UNC79: variants seen among roughly 807,000 people sequenced by gnomAD.
The protein encoded by UNC79 is protein unc-79 homolog.
In UNC79, 37 loss-of-function variants were observed where a neutral mutation model predicts 283.1. The observed-to-expected ratio is 0.13, with a 90% CI of 0.10 to 0.17. The LOEUF is 0.17. Among genes scored for constraint, UNC79 ranks in the 10% least tolerant of loss-of-function variants. The pLI is 1.00. For missense variants in UNC79, 2,272 were observed against 3,211.1 expected (o/e 0.71, Z 7.07); for synonymous variants, 1,107 against 1,200.2 (o/e 0.92, Z 1.61).
chr14:93,518,353 C>A (rs2060167918), intron 7 of UNC79, among the ~76,000 whole-genome samples: 1 of 151,758 alleles, frequency 6.6e-6, no homozygotes, highest in African/African-American at 2.4e-5. Context: ...AGCATCTCAT[C>A]CAAGTTTTCA....
chr14:93,349,592 A>G (rs2053942277), intron 1 of UNC79, among the ~76,000 whole-genome samples: 1 of 152,042 alleles, frequency 6.6e-6, no homozygotes, highest in African/African-American at 2.4e-5. Context: ...TCTCTCCTCT[A>G]CATTCTGTTT....
At chr14:93,356,881 G>C (rs2054096162) in intron 1 of UNC79, among the ~76,000 whole-genome samples, 1 of 152,096 alleles carries the variant, frequency 6.6e-6, no homozygotes, top group African/African-American at 2.4e-5. Context: ...TTTAGGTTTG[G>C]GGGTACATGT....
chr14:93,614,402 C>T (rs369763435), intron 27 of UNC79, among the ~76,000 whole-genome samples: 1 of 151,848 alleles, frequency 6.6e-6, no homozygotes, highest in South Asian at 2.1e-4. Context: ...CTGCAAGCTC[C>T]GCCTCCTGGG....
intron 32 of UNC79, 100 bp downstream of exon 35, chr14:93,637,399 C>G (rs2068599966): frequency 5.9e-6 from 9 of 1,533,872 alleles, no homozygotes; most frequent in Non-Finnish European, 7.9e-6. Context: ...CTTAGCACCT[C>G]CATGGAGTGG....
intron 43 of UNC79, among the ~76,000 whole-genome samples, chr14:93,687,986 A>G (rs967232154): frequency 1.3e-5 from 2 of 152,168 alleles, no homozygotes; most frequent in Non-Finnish European, 2.9e-5. Context: ...ACTAGCTAGG[A>G]CAGACCTGGG....
chr14:93,662,803 CAGTTGCTTCCATAT>C (rs1268581813), intron 40 of UNC79, 89 bp downstream of exon 43: 4 of 933,240 alleles, frequency 4.3e-6, no homozygotes, highest in Non-Finnish European at 6.4e-6. Flanking sequence ...CCTTTTAGCT[CAGTTGCTTCCATAT>C]AGTTAAAAAT....
chr14:93,333,932 C>G (rs1053111995), intron 1 of UNC79, among the ~76,000 whole-genome samples: 10 of 152,210 alleles, frequency 6.6e-5, no homozygotes, highest in Admixed American at 6.5e-4. Flanking sequence ...CATTCTGAAC[C>G]CAGTGAGGAG....
intron 23 of UNC79, among the ~76,000 whole-genome samples, chr14:93,595,410 T>C (rs1334203372): frequency 6.6e-6 from 1 of 152,088 alleles, no homozygotes; most frequent in Non-Finnish European, 1.5e-5. Context: ...TACTTTTCTA[T>C]TCAAGAAATT....
intron 40 of UNC79, among the ~76,000 whole-genome samples, chr14:93,664,065 A>T (rs532917751): frequency 6.6e-6 from 1 of 152,106 alleles, no homozygotes; most frequent in South Asian, 2.1e-4. Flanking sequence ...ATTATCATCT[A>T]CCCTTTCTCA....
chr14:93,704,763 A>T (rs1441189925), intron 48 of UNC79, 97 bp downstream of exon 51: 3 of 1,461,880 alleles, frequency 2.1e-6, no homozygotes, highest in African/African-American at 1.4e-5. Flanking sequence ...ATGGAGAAGG[A>T]TGAATTCAAC....
chr14:93,613,068 T>C, exon 27 of UNC79: 1 of 1,614,220 alleles, frequency 6.2e-7, no homozygotes, highest in Middle Eastern at 1.6e-4. Flanking sequence ...ATGCATTCAT[T>C]GCAGGAATTG....
chr14:93,366,712 A>G (rs2054342066), intron 1 of UNC79, among the ~76,000 whole-genome samples: 1 of 151,892 alleles, frequency 6.6e-6, no homozygotes, highest in South Asian at 2.1e-4. Context: ...AGCTGGGATC[A>G]TAGGCGCGCA....
chr14:93,509,143 A>T (rs544987073), intron 7 of UNC79, among the ~76,000 whole-genome samples: 1 of 152,128 alleles, frequency 6.6e-6, no homozygotes, highest in Admixed American at 6.5e-5. Flanking sequence ...CTTTTAAACA[A>T]CCAATTCTCT....
At chr14:93,529,443 A>G (rs2060701762) in intron 10 of UNC79, 117 bp downstream of exon 10, 2 of 1,077,470 alleles carry the variant, frequency 1.9e-6, no homozygotes, top group Non-Finnish European at 2.7e-6. Context: ...ATTGTATTGT[A>G]TGAATATTCA....
chr14:93,535,564 G>A (rs2061029662), intron 11 of UNC79, among the ~76,000 whole-genome samples: 1 of 152,092 alleles, frequency 6.6e-6, no homozygotes, highest in South Asian at 2.1e-4. Flanking sequence ...GTTTGATGAT[G>A]TTTGGGGCTT....
At chr14:93,408,598 G>A (rs189693703) in intron 1 of UNC79, among the ~76,000 whole-genome samples, 21 of 150,220 alleles carry the variant, frequency 1.4e-4, no homozygotes, top group Admixed American at 6.0e-4. Flanking sequence ...AGGCTGAGGC[G>A]GGAAGATTGC....
At chr14:93,482,833 A>G (rs906913078) in intron 4 of UNC79, among the ~76,000 whole-genome samples, 1 of 152,224 alleles carries the variant, frequency 6.6e-6, no homozygotes, top group Non-Finnish European at 1.5e-5. Context: ...CTATCCTCCA[A>G]ACATGTAAAT....
chr14:93,622,288 A>G (rs920951796), exon 30 of UNC79: 1 of 1,614,024 alleles, frequency 6.2e-7, no homozygotes, highest in African/African-American at 1.3e-5. Context: ...CTCCGCTTGT[A>G]CAAGTAAGTG....
intron 14 of UNC79, among the ~76,000 whole-genome samples, chr14:93,558,339 G>A (rs952126137): frequency 8.5e-5 from 13 of 152,290 alleles, no homozygotes; most frequent in African/African-American, 2.9e-4. Context: ...GGCAGATCAT[G>A]AGGTCAGGAG....
Sources: gnomAD v4.1 joint callset for allele counts (sites outside exome capture counted in the v4.1 genomes callset) on GRCh38, gnomAD v4.1.1 for gene constraint, MANE v1.5 for transcripts, NCBI Gene and HGNC (gene_info 2026-07-23, HGNC 2026-07-21) for gene names.